The following TOGARAM1 variants were observed in gnomAD, a reference collection of about 807,000 sequenced individuals.
TOGARAM1 encodes the protein TOG array regulator of axonemal microtubules 1.
In TOGARAM1, 100 loss-of-function variants were observed where a neutral mutation model predicts 166.6. That is an observed-to-expected ratio of 0.60 (90% CI 0.51 to 0.71). The LOEUF is 0.71. Among genes scored for constraint, TOGARAM1 ranks in the 30% least tolerant of loss-of-function variants. TOGARAM1 has a pLI of 0.00. For missense variants in TOGARAM1, 2,029 were observed against 2,102.7 expected (o/e 0.96, Z 0.69); for synonymous variants, 758 against 763.8 (o/e 0.99, Z 0.13).
rs1350642500 is a variant in TOGARAM1 at position 45,066,762 on chromosome 14, G to A, written c.4744G>A (p.Val1582Met). The part of the protein sequence containing the change: ...NNQDLVVGNI[V>M]KIFDAFKSRL... ...TCAAGACCTTGTTGTTGGAAACATT[G>A]TGAAGGTAAGGACTTGTCAGAATTA... is the stretch of plus-strand genomic sequence containing the variant. The change falls in exon 17 of 20, where the codon GTG becomes ATG. Residue 1582 changes from valine to methionine, a missense_variant. Val to Met is a conservative substitution (Grantham distance 21). This residue lies in a region of TOGARAM1 where 576 missense variants were observed against 670.5 expected (regional missense o/e 0.86). Coordinates refer to ENST00000361462, the MANE Select transcript of TOGARAM1 (RefSeq NM_001308120.2). 1.2e-6 allele frequency: 2 copies of A among 1,611,578 alleles called. No individual in the cohort carries two copies. The highest frequency in any genetic ancestry group is 1.7e-6 in the Non-Finnish European group (2 of 1,178,508).
At chr14:44,979,007 T>A (rs756297135) in intron 1 of TOGARAM1, among the ~76,000 whole-genome samples, 15 of 149,234 alleles carry the variant, frequency 1.0e-4, no homozygotes, top group Non-Finnish European at 2.1e-4. Flanking sequence ...CAATCCTACA[T>A]GTGGACAAAA....
intron 1 of TOGARAM1, among the ~76,000 whole-genome samples, chr14:44,983,080 A>G (rs1216153919): frequency 6.6e-6 from 1 of 152,214 alleles, no homozygotes; most frequent in African/African-American, 2.4e-5. Context: ...AGAGTCAGAA[A>G]GGAGCCATCT....
chr14:44,985,463 G>A (rs940660132), intron 1 of TOGARAM1, among the ~76,000 whole-genome samples: 16 of 152,196 alleles, frequency 1.1e-4, no homozygotes, highest in Admixed American at 3.9e-4. Flanking sequence ...GGGGGTGGGG[G>A]ATGGTTTCAG....
At chr14:44,993,128 T>TAAAAA (rs1239465941) in intron 1 of TOGARAM1, among the ~76,000 whole-genome samples, 1 of 150,382 alleles carries the variant, frequency 6.6e-6, no homozygotes, top group East Asian at 2.0e-4. Context: ...ATAAATAAAA[T>TAAAAA]AAAAATAAAA....
chr14:44,988,078 G>T (rs576280144), intron 1 of TOGARAM1, among the ~76,000 whole-genome samples: 1 of 148,226 alleles, frequency 6.7e-6, no homozygotes, highest in Non-Finnish European at 1.5e-5. Context: ...ACACAGGAAG[G>T]GGGACATCAC....
At chr14:45,064,370 A>G (rs954765250) in intron 16 of TOGARAM1, among the ~76,000 whole-genome samples, 2 of 151,984 alleles carry the variant, frequency 1.3e-5, no homozygotes, top group African/African-American at 4.8e-5. Flanking sequence ...GGCTCAAGTA[A>G]TCCTCCAGCC....
At chr14:45,049,798 T>G (rs1488982908) in intron 14 of TOGARAM1, among the ~76,000 whole-genome samples, 1 of 152,034 alleles carries the variant, frequency 6.6e-6, no homozygotes, top group Non-Finnish European at 1.5e-5. Context: ...TAGTTAGGAA[T>G]AAAGGATGTT....
chr14:44,982,772 G>A (rs971827472), intron 1 of TOGARAM1, among the ~76,000 whole-genome samples: 1 of 152,180 alleles, frequency 6.6e-6, no homozygotes, highest in African/African-American at 2.4e-5. Context: ...TAGCACTGCC[G>A]TAGGATTTTT....
At chr14:44,985,682 G>A (rs940943385) in intron 1 of TOGARAM1, among the ~76,000 whole-genome samples, 1 of 152,218 alleles carries the variant, frequency 6.6e-6, no homozygotes, top group Non-Finnish European at 1.5e-5. Flanking sequence ...TCCCTTGCCC[G>A]CCGCTCACCT....
At chr14:44,975,639 G>C (rs1300614599) in intron 1 of TOGARAM1, among the ~76,000 whole-genome samples, 1 of 151,908 alleles carries the variant, frequency 6.6e-6, no homozygotes, top group East Asian at 1.9e-4. Flanking sequence ...GCTAATTTTT[G>C]TATTTTTAGT....
intron 1 of TOGARAM1, among the ~76,000 whole-genome samples, chr14:44,974,467 G>A (rs1057071286): frequency 6.6e-6 from 1 of 151,960 alleles, no homozygotes; most frequent in Admixed American, 6.6e-5. Flanking sequence ...ATTCTGGTAT[G>A]TTAACTTCAA....
chr14:44,971,132 G>A (rs1167984089), intron 1 of TOGARAM1, among the ~76,000 whole-genome samples: 2 of 151,878 alleles, frequency 1.3e-5, no homozygotes, highest in East Asian at 3.9e-4. Context: ...GCAGAGAATT[G>A]GTATAATTTT....
intron 1 of TOGARAM1, among the ~76,000 whole-genome samples, chr14:44,987,031 GA>G (rs1197902922): frequency 1.4e-5 from 2 of 147,938 alleles, no homozygotes; most frequent in African/African-American, 5.0e-5. Context: ...AAAGAAAAAA[GA>G]AAAAAAAATG....
intron 14 of TOGARAM1, 118 bp from the exon 15 acceptor site, chr14:45,052,318 G>T: frequency 1.3e-6 from 1 of 741,318 alleles, no homozygotes; most frequent in Admixed American, 2.8e-5. Context: ...TTAATATAGG[G>T]ATGGTAATCT....
In TOGARAM1 at chr14:45,046,629, T is replaced by G; in HGVS notation, c.4239T>G (p.Ser1413=). ...LEFMEPERIL[S]AAKDMAERIL... is the part of the protein sequence containing the mutation. ...TTATGGAACCAGAACGTATTTTATC[T>G]GCAGCAAAGGATATGGCTGAACGCA... The change falls in exon 14 of 20, where the codon TCT becomes TCG. Residue 1413 remains serine, a synonymous_variant. Coordinates refer to ENST00000361462, the MANE Select transcript of TOGARAM1 (RefSeq NM_001308120.2). 3 of 1,419,374 alleles carry G rather than the reference T, an allele frequency of 2.1e-6. No individual in the cohort carries two copies. The highest frequency in any genetic ancestry group is 2.7e-5 in the Admixed American group (1 of 36,414). 87.9% of individuals were successfully genotyped at this position (1,419,374 alleles called of 1,614,324 possible).
At chr14:45,070,043 G>A (rs534185131) in intron 18 of TOGARAM1, among the ~76,000 whole-genome samples, 4 of 152,098 alleles carry the variant, frequency 2.6e-5, no homozygotes, top group Admixed American at 6.6e-5. Flanking sequence ...TTAGCCGGGC[G>A]TGGTGGCAGG....
At chr14:45,058,665 G>A (rs780417965) in intron 16 of TOGARAM1, among the ~76,000 whole-genome samples, 5 of 152,060 alleles carry the variant, frequency 3.3e-5, no homozygotes, top group African/African-American at 4.8e-5. Flanking sequence ...TTTATAAGCA[G>A]CATATAGTTG....
chr14:45,008,773 A>C, intron 5 of TOGARAM1, 140 bp from the exon 6 acceptor site: 1 of 596,142 alleles, frequency 1.7e-6, no homozygotes, highest in Non-Finnish European at 2.9e-6. Context: ...ATATACATAT[A>C]TATTAGTATT....
chr14:45,000,419 T>C (rs1330513337), intron 3 of TOGARAM1, among the ~76,000 whole-genome samples: 1 of 152,190 alleles, frequency 6.6e-6, no homozygotes, highest in Non-Finnish European at 1.5e-5. Flanking sequence ...TTTTTTTTCT[T>C]TTTTAGCTCC....
Sources: gnomAD v4.1 joint callset for allele counts (sites outside exome capture counted in the v4.1 genomes callset) on GRCh38, gnomAD v4.1.1 for gene constraint, gnomAD v4.1.1 regional missense constraint, MANE v1.5 for transcripts, NCBI Gene and HGNC (gene_info 2026-07-23, HGNC 2026-07-21) for gene names.